The following RFC5 variants were observed in gnomAD, a reference collection of about 807,000 sequenced individuals.
The protein encoded by RFC5 is replication factor C subunit 5, also known as A1 36 kDa subunit.
Under a neutral mutation model 44.3 loss-of-function variants are expected in RFC5, and 26 were observed. That is an observed-to-expected ratio of 0.59 (90% CI 0.43 to 0.81). RFC5 has a LOEUF of 0.81. Ranked by LOEUF, RFC5 falls within the 40% of genes least tolerant of loss-of-function variation. The pLI is 0.00. For missense variants in RFC5, 328 were observed against 418.6 expected, an observed-to-expected ratio of 0.78 and a Z score of 1.89; for synonymous variants, 155 against 155.2, an observed-to-expected ratio of 1.00 and a Z score of 0.01.
At position 118,030,496 on chromosome 12, in the gene RFC5, G is replaced by A. The variant is rs572830935; in HGVS notation, c.926+671G>A. 8.2e-4 allele frequency among the ~76,000 whole-genome samples: 107 copies of A among 130,274 alleles called. 1 individual carries two copies. Among genetic ancestry groups the A allele is most frequent in the Non-Finnish European group, 2.8e-4 (17 of 61,680 alleles). 85.5% of individuals were successfully genotyped at this position (130,274 alleles called of 152,430 possible). On this transcript the variant is annotated intron_variant, in intron 10 of 10. Transcript: ENST00000454402. The stretch of plus-strand genomic sequence containing the variant: ...CAATGTATCAGCCAAACTTCCCGAT[G>A]AAATGGCTTAAGAGGAAGGAAATCT...
Position 118,025,767 on chromosome 12 carries a change from G to C in RFC5, c.602G>C (p.Gly201Ala). The C allele has an allele frequency of 6.2e-7, 1 of 1,608,288 alleles. No individual in the cohort carries two copies. The part of the protein sequence containing the change: ...EEEKVDISED[G>A]MKALVTLSSG... ...TTCAGAGTTGATATAAGTGAAGATG[G>C]AATGAAAGCACTAGTCACTCTTTCC... The change falls in exon 7 of 11, where the codon GGA becomes GCA. Residue 201 changes from glycine to alanine, a missense_variant. By Grantham distance (60) the Gly-to-Ala change is moderately conservative. Coordinates refer to ENST00000454402, the MANE Select transcript of RFC5 (RefSeq NM_007370.7).
downstream of RFC5, chr12:118,036,155 T>C (rs921153446): frequency 1.1e-5 from 7 of 653,670 alleles, no homozygotes; most frequent in African/African-American, 1.8e-5. Context: ...TGATCCAAGA[T>C]TGCGCCACTG....
At chr12:118,034,067 T>C, downstream of RFC5, 5 of 1,293,082 alleles carry the variant, frequency 3.9e-6, no homozygotes, top group Non-Finnish European at 5.5e-6. Flanking sequence ...CTGGTTTTGC[T>C]ACATTCTATT....
Position 118,019,274 on chromosome 12 carries a change from C to G in RFC5, c.130+138C>G, listed in dbSNP as rs950500295. ...GAATGTGGCTTTAAGATCATTCATTCATTTTCTTCAGGTTGCTACAGTCCA... is the reference window on the plus strand; with the variant it reads ...GAATGTGGCTTTAAGATCATTCATTGATTTTCTTCAGGTTGCTACAGTCCA... On this transcript the variant is annotated intron_variant, in intron 2 of 10. Coordinates refer to ENST00000454402, the MANE Select transcript of RFC5 (RefSeq NM_007370.7). The surrounding 1 kb of genome is among the most constrained non-coding windows in gnomAD (Gnocchi z 4.2). The G allele has an allele frequency of 1.4e-6, 1 of 719,166 alleles. No homozygotes were observed. Among genetic ancestry groups the G allele is most frequent in the African/African-American group, 1.8e-5 (1 of 57,106 alleles). The allele number at this position is 719,166 out of a possible 1,614,324, so 44.5% of individuals were successfully genotyped here.
Position 118,024,876 on chromosome 12 carries a change from C to T in RFC5, c.447C>T (p.Thr149=). The T allele has an allele frequency of 6.2e-7, 1 of 1,609,778 alleles. No individual in the cohort carries two copies. The highest frequency in any genetic ancestry group is 1.1e-5 in the South Asian group (1 of 90,052). The change falls in exon 6 of 11, where the codon ACC becomes ACT. Residue 149 remains threonine, a synonymous_variant. Transcript: ENST00000454402. ...RRVIEKFTEN[T]RFCLICNYLS... The stretch of plus-strand genomic sequence containing the variant: ...TAATTGAGAAATTCACAGAAAATAC[C>T]AGATTCTGCCTCATCTGTAACTATC...
At chr12:118,022,385 T>G (rs753412558) in intron 5 of RFC5, 26 bp downstream of exon 5, 2 of 1,499,394 alleles carry the variant, frequency 1.3e-6, no homozygotes, top group African/African-American at 1.4e-5. Context: ...GTGGAGCGTT[T>G]GGGCTGGTGT....
intron 10 of RFC5, 52 bp from the exon 11 acceptor site, chr12:118,031,130 A>C (rs1408731611): frequency 7.7e-7 from 1 of 1,298,382 alleles, no homozygotes; most frequent in African/African-American, 1.5e-5. Context: ...CCTTAAGAAA[A>C]GGCAGCTGTG....
At position 118,027,565 on chromosome 12, in the gene RFC5, G is replaced by A. The variant is rs184164969; in HGVS notation, c.794-388G>A. Among the ~76,000 whole-genome samples, 22 of 151,828 alleles carry A rather than the reference G, an allele frequency of 1.4e-4. 1 individual carries two copies. In the East Asian group the frequency reaches 3.1e-3, roughly 21 times the overall value. ...TGGGTGCCTGTAGTTCCAGCTACTC[G>A]GGAGGCTGAGGCATGAGAATTGCTT... On this transcript the variant is annotated intron_variant, in intron 8 of 10. Transcript: ENST00000454402.
chr12:118,019,662 C>G lies in RFC5; in HGVS notation c.161C>G (p.Pro54Arg). 6.2e-7 allele frequency: 1 copy of G among 1,614,088 alleles called. No individual in the cohort carries two copies. The highest frequency in any genetic ancestry group is 8.5e-7 in the Non-Finnish European group (1 of 1,179,970). Residue 54 changes from proline (P) to arginine (R), a missense_variant, in exon 3 of 11, where the codon CCA becomes CGA. By Grantham distance (103) the Pro-to-Arg change is moderately radical. Coordinates refer to ENST00000454402, the MANE Select transcript of RFC5 (RefSeq NM_007370.7). This position sits in a 1 kb window ranked among gnomAD's most constrained non-coding sequence, Gnocchi z 4.2. ...AAGTTTATCAATGAAGACCGACTGCCACACTTGCTTCTCTACGGTCCCCCA... is the reference window on the plus strand; with the variant it reads ...AAGTTTATCAATGAAGACCGACTGCGACACTTGCTTCTCTACGGTCCCCCA... ...IQKFINEDRLPHLLLYGPPGT... is the reference protein window; with the variant it reads ...IQKFINEDRLRHLLLYGPPGT...
At chr12:118,029,906 T>C in intron 10 of RFC5, 81 bp downstream of exon 10, 1 of 1,081,178 alleles carries the variant, frequency 9.2e-7, no homozygotes, top group Admixed American at 1.7e-5. Flanking sequence ...CTTTCTTGGT[T>C]TCAGGTTTTT....
intron 8 of RFC5, among the ~76,000 whole-genome samples, chr12:118,027,600 A>C (rs2031035804): frequency 1.3e-5 from 2 of 150,838 alleles, no homozygotes; most frequent in South Asian, 4.2e-4. Context: ...TGAACCCGGG[A>C]GGCAGAGGTT....
rs2030341768 is a variant in RFC5, at chr12:118,019,564, C to T, written c.131-68C>T. 1 of 1,586,408 alleles carries T rather than the reference C, an allele frequency of 6.3e-7. No homozygotes were observed. The highest frequency in any genetic ancestry group is 2.2e-5 in the East Asian group (1 of 44,666). On this transcript the variant is annotated intron_variant, in intron 2 of 10. Coordinates refer to ENST00000454402, the MANE Select transcript of RFC5 (RefSeq NM_007370.7). This position sits in a 1 kb window ranked among gnomAD's most constrained non-coding sequence, Gnocchi z 4.2. ...GGGTTGAAGAGCTTTCAGCCCAACT[C>T]AGGAGCCCAGGGTGAATGAGGCAGC...
chr12:118,027,113 G>T, intron 8 of RFC5, 95 bp downstream of exon 8: 2 of 1,316,832 alleles, frequency 1.5e-6, no homozygotes, highest in South Asian at 1.3e-5. Flanking sequence ...GGCAAAGGAT[G>T]ACTGGCTGCA....
At chr12:118,026,360 A>G (rs1028286961) in intron 7 of RFC5, among the ~76,000 whole-genome samples, 2 of 152,034 alleles carry the variant, frequency 1.3e-5, no homozygotes, top group Non-Finnish European at 2.9e-5. Flanking sequence ...CCCAGCACTT[A>G]GGGATGCCGA....
Position 118,019,527 on chromosome 12 carries a change from G to T in RFC5, c.131-105G>T. 1 of 1,269,560 alleles carries T rather than the reference G, an allele frequency of 7.9e-7. No homozygotes were observed. The highest frequency in any genetic ancestry group is 1.1e-6 in the Non-Finnish European group (1 of 896,544). The allele number at this position is 1,269,560 out of a possible 1,614,324, so 78.6% of individuals were successfully genotyped here. A position where few individuals can be genotyped will look rare whatever the true frequency, so the allele number is the denominator to read the frequency against. ...ATCAAGTTGTATCTGCCTCTGATTT[G>T]GACATTGAATTGGGTTGAAGAGCTT... On this transcript the variant is annotated intron_variant, in intron 2 of 10. Transcript: ENST00000454402. The surrounding 1 kb of genome is among the most constrained non-coding windows in gnomAD (Gnocchi z 4.2).
chr12:118,028,926 C>T (rs1033544363), intron 9 of RFC5, among the ~76,000 whole-genome samples: 109 of 152,312 alleles, frequency 7.2e-4, no homozygotes, highest in African/African-American at 2.5e-3. Context: ...CTCTTCCTTC[C>T]ACAGTGGCCA....
chr12:118,017,717 C>A, intron 1 of RFC5: 2 of 733,124 alleles, frequency 2.7e-6, no homozygotes, highest in Non-Finnish European at 2.1e-6. Context: ...GTCGCCCATG[C>A]TGGAGCGCAG....
intron 9 of RFC5, among the ~76,000 whole-genome samples, chr12:118,028,232 C>T (rs2031084134): frequency 6.6e-6 from 1 of 152,142 alleles, no homozygotes; most frequent in Non-Finnish European, 1.5e-5. Context: ...GCCTGTAATC[C>T]TAGCACTTTG....
intron 10 of RFC5, 101 bp downstream of exon 10, chr12:118,029,926 C>T (rs893405258): frequency 8.2e-6 from 7 of 852,828 alleles, no homozygotes; most frequent in Admixed American, 1.8e-5. Context: ...TTTCCTAAAT[C>T]GTTCACATAC....
Sources: allele counts gnomAD v4.1 joint callset (sites outside exome capture counted in the v4.1 genomes callset), GRCh38; gene constraint gnomAD v4.1.1; non-coding constraint Gnocchi (gnomAD v3.1); transcripts MANE v1.5; gene names NCBI Gene and HGNC (gene_info 2026-07-23, HGNC 2026-07-21).